Variants in VIPR1 observed in about 807,000 individuals in gnomAD.
The protein encoded by VIPR1 is vasoactive intestinal polypeptide receptor 1.
In VIPR1, 59 loss-of-function variants were observed where a neutral mutation model predicts 58.8. That is an observed-to-expected ratio of 1.00 (90% CI 0.81 to 1.25). The LOEUF (loss-of-function observed/expected upper bound fraction) is 1.25. Ranked by LOEUF, VIPR1 falls within the 50% of genes most tolerant of loss-of-function variation. The pLI, the probability that VIPR1 is intolerant of heterozygous loss-of-function variation, is 0.00. For synonymous variants in VIPR1, 251 were observed against 242.1 expected (o/e 1.04, Z -0.34); for missense variants, 626 against 602.7 (o/e 1.04, Z -0.40).
At chr3:42,530,732 A>T (rs571471570) in intron 6 of VIPR1, 47 bp from the exon 7 acceptor site, 18 of 1,601,988 alleles carry the variant, frequency 1.1e-5, no homozygotes, top group African/African-American at 5.4e-5. Flanking sequence ...GCAGTCAAGG[A>T]CCCTTGACAG....
chr3:42,527,932 T>C, intron 5 of VIPR1, 59 bp from the exon 6 acceptor site: 6 of 1,594,650 alleles, frequency 3.8e-6, no homozygotes, highest in South Asian at 1.1e-5. Flanking sequence ...TAGGACAGCA[T>C]TGGCTGGGGT....
Position 42,532,252 on chromosome 3 carries a change from T to G in VIPR1, c.929T>G (p.Ile310Ser). 6.2e-7 allele frequency: 1 copy of G among 1,614,030 alleles called. No individual in the cohort carries two copies. The highest frequency in any genetic ancestry group is 8.5e-7 in the Non-Finnish European group (1 of 1,179,990). Residue 310 changes from isoleucine to serine, a missense_variant, in exon 10 of 13, where the codon ATC (isoleucine) becomes AGC (serine). Coordinates refer to ENST00000325123, the MANE Select transcript of VIPR1 (RefSeq NM_004624.4). ...PILTSILVNF[I>S]LFICIIRILL... ...GTCCCCACCCACTAGGTAAACTTCATCCTGTTTATTTGCATCATCCGAATC... is the reference window on the plus strand; with the variant it reads ...GTCCCCACCCACTAGGTAAACTTCAGCCTGTTTATTTGCATCATCCGAATC...
chr3:42,512,868 C>A, intron 1 of VIPR1: 1 of 985,550 alleles, frequency 1.0e-6, no homozygotes, highest in Non-Finnish European at 1.2e-6. Flanking sequence ...CACCCACCCA[C>A]ACCCATCTAA....
chr3:42,503,458 C>G (rs756297950), intron 1 of VIPR1, among the ~76,000 whole-genome samples: 4 of 152,176 alleles, frequency 2.6e-5, no homozygotes, highest in Non-Finnish European at 5.9e-5. Flanking sequence ...GAGAGCTGAG[C>G]AGGGAGCCAA....
chr3:42,497,522 A>G (rs1384460438), intron 1 of VIPR1, among the ~76,000 whole-genome samples: 1 of 152,120 alleles, frequency 6.6e-6, no homozygotes, highest in African/African-American at 2.4e-5. Flanking sequence ...TGCTTTTGAA[A>G]ACAGGGTGGA....
intron 7 of VIPR1, 165 bp downstream of exon 7, chr3:42,531,097 T>C: frequency 1.1e-6 from 1 of 911,886 alleles, no homozygotes; most frequent in South Asian, 1.7e-5. Flanking sequence ...TCAAAATGTC[T>C]GATCCCAGGA....
intron 3 of VIPR1, among the ~76,000 whole-genome samples, chr3:42,520,618 G>A (rs1388631636): frequency 9.9e-5 from 15 of 152,042 alleles, no homozygotes; most frequent in African/African-American, 3.4e-4. Context: ...GGGACTGGGT[G>A]GGGAGCATGG....
intron 3 of VIPR1, among the ~76,000 whole-genome samples, chr3:42,520,768 T>C (rs957009273): frequency 1.3e-5 from 2 of 152,090 alleles, no homozygotes; most frequent in Non-Finnish European, 2.9e-5. Context: ...GTTTGTAAAG[T>C]GGGGATAGGT....
At chr3:42,511,175 A>G (rs1700344993) in intron 1 of VIPR1, among the ~76,000 whole-genome samples, 1 of 152,220 alleles carries the variant, frequency 6.6e-6, no homozygotes, top group South Asian at 2.1e-4. Context: ...GACAATATTA[A>G]GAGAACCTGA....
At chr3:42,526,316 C>A (rs949694164) in intron 4 of VIPR1, among the ~76,000 whole-genome samples, 3 of 152,216 alleles carry the variant, frequency 2.0e-5, no homozygotes, top group Non-Finnish European at 2.9e-5. Context: ...GACACCAGCA[C>A]CCCATCCCAT....
In VIPR1 at chr3:42,527,752, G is replaced by A. The variant is rs558030010; in HGVS notation, c.504-239G>A. 152 of 651,544 alleles carry A rather than the reference G, an allele frequency of 2.3e-4. 1 individual carries two copies. Among genetic ancestry groups the A allele is most frequent in the South Asian group, 7.4e-4 (38 of 51,436 alleles). The allele number at this position is 651,544 out of a possible 1,614,324, so 40.4% of individuals were successfully genotyped here. ...CACCAGAGAGTGGGGCCTGCACACA[G>A]GAATGAGGCTTCTGGGGCCACACAC... is the stretch of plus-strand genomic sequence containing the variant. On this transcript the variant is annotated intron_variant, in intron 5 of 12. Transcript: ENST00000325123.
intron 5 of VIPR1, 107 bp from the exon 6 acceptor site, chr3:42,527,884 A>C: frequency 6.8e-7 from 1 of 1,471,278 alleles, no homozygotes. Context: ...TGCCCTCTGG[A>C]GGACACATGC....
intron 7 of VIPR1, 64 bp downstream of exon 7, chr3:42,530,996 G>C (rs1701514164): frequency 1.9e-6 from 3 of 1,589,252 alleles, no homozygotes; most frequent in Admixed American, 3.5e-5. Flanking sequence ...GAACTCCCTA[G>C]GGGGAGGGTG....
At chr3:42,507,388 G>T (rs1700165036) in intron 1 of VIPR1, 1 of 152,262 alleles carries the variant, frequency 6.6e-6, no homozygotes, top group Admixed American at 6.5e-5. Context: ...CTCTCATGCG[G>T]CCCATTATCT....
upstream of VIPR1, chr3:42,501,884 CCTG>C: frequency 6.6e-6 from 1 of 152,342 alleles, no homozygotes. The surrounding 1 kb of genome is among the most constrained non-coding windows in gnomAD (Gnocchi z 4.8). Context: ...GGGGAGGTGC[CCTG>C]GACGAGACCC....
chr3:42,519,515 C>A, intron 3 of VIPR1, 185 bp downstream of exon 3: 1 of 483,906 alleles, frequency 2.1e-6, no homozygotes, highest in Non-Finnish European at 3.6e-6. Context: ...TAGCTCTTCA[C>A]ATAAAGATAA....
chr3:42,526,298 G>A (rs562035156), intron 4 of VIPR1, among the ~76,000 whole-genome samples: 3 of 152,228 alleles, frequency 2.0e-5, no homozygotes, highest in Non-Finnish European at 4.4e-5. Flanking sequence ...GAGTTGGCAG[G>A]GCAGGCAGAC....
intron 3 of VIPR1, among the ~76,000 whole-genome samples, chr3:42,523,089 G>A (rs414977): frequency 6.8e-6 from 1 of 147,794 alleles, no homozygotes; most frequent in African/African-American, 2.6e-5. Flanking sequence ...CCCTGACCCC[G>A]CCCCCAGTGG....
At chr3:42,528,748 G>C (rs1701373186) in intron 6 of VIPR1, 1 of 152,562 alleles carries the variant, frequency 6.6e-6, no homozygotes, top group African/African-American at 2.4e-5. Context: ...GACCCTCTCT[G>C]AGTGCCCCAA....
Sources: allele counts gnomAD v4.1 joint callset (sites outside exome capture counted in the v4.1 genomes callset), GRCh38; gene constraint gnomAD v4.1.1; non-coding constraint Gnocchi (gnomAD v3.1); transcripts MANE v1.5; gene names NCBI Gene and HGNC (gene_info 2026-07-23, HGNC 2026-07-21).